Variants in HMG20A observed in about 807,000 individuals in gnomAD.
The protein encoded by HMG20A is high mobility group protein 20A.
A neutral mutation model predicts 43.9 loss-of-function variants in HMG20A; 17 were observed. The observed-to-expected ratio is 0.39, with a 90% CI of 0.27 to 0.58. HMG20A has a LOEUF of 0.58. HMG20A is among the 20% of genes least tolerant of loss of function. The pLI is 0.59. For missense variants in HMG20A, 341 were observed against 438.2 expected (o/e 0.78, Z 1.98); for synonymous variants, 132 against 147.5 (o/e 0.89, Z 0.76).
intron 1 of HMG20A, among the ~76,000 whole-genome samples, chr15:77,423,938 G>A (rs999558461): frequency 1.3e-5 from 2 of 152,180 alleles, no homozygotes; most frequent in South Asian, 2.1e-4. Flanking sequence ...TACCCTTTAC[G>A]TGACTTTTCA....
At chr15:77,467,418 G>A in intron 4 of HMG20A, 111 bp downstream of exon 4, 1 of 863,396 alleles carries the variant, frequency 1.2e-6, no homozygotes, top group Non-Finnish European at 1.8e-6. Flanking sequence ...TTGTCACAGT[G>A]CCTAGGAGAC....
intron 2 of HMG20A, among the ~76,000 whole-genome samples, chr15:77,459,488 A>G (rs1567400761): frequency 6.6e-6 from 1 of 152,230 alleles, no homozygotes; most frequent in Non-Finnish European, 1.5e-5. Flanking sequence ...AGTTTAAAAA[A>G]AGAAAAAAGT....
the HMG20A span, among the ~76,000 whole-genome samples, chr15:77,516,369 G>C: frequency 1.3e-5 from 2 of 152,174 alleles, no homozygotes; most frequent in South Asian, 4.1e-4. Context: ...CTGGCTACTC[G>C]GGAGACTGAG....
At chr15:77,480,164 C>T (rs926370674) in intron 9 of HMG20A, among the ~76,000 whole-genome samples, 6 of 151,866 alleles carry the variant, frequency 4.0e-5, no homozygotes, top group African/African-American at 1.2e-4. Flanking sequence ...TGGTGGTATG[C>T]GCTTGTGGTC....
chr15:77,470,274 C>T (rs1446001966), intron 4 of HMG20A, among the ~76,000 whole-genome samples: 1 of 152,088 alleles, frequency 6.6e-6, no homozygotes, highest in Non-Finnish European at 1.5e-5. Flanking sequence ...CAAAATAATC[C>T]TGGTAGATCA....
intron 9 of HMG20A, among the ~76,000 whole-genome samples, chr15:77,480,229 C>T (rs758691932): frequency 3.3e-5 from 5 of 151,972 alleles, no homozygotes; most frequent in Non-Finnish European, 7.4e-5. Flanking sequence ...AAGGTCAAGG[C>T]GAGGCTGCAG....
At chr15:77,499,760 G>T in the HMG20A span, among the ~76,000 whole-genome samples, 1 of 151,956 alleles carries the variant, frequency 6.6e-6, no homozygotes, top group Non-Finnish European at 1.5e-5. Flanking sequence ...CCCTCCACCA[G>T]TTCGTCCTGC....
At chr15:77,466,134 A>G (rs962781628) in intron 3 of HMG20A, among the ~76,000 whole-genome samples, 4 of 152,174 alleles carry the variant, frequency 2.6e-5, no homozygotes, top group Non-Finnish European at 5.9e-5. Context: ...TAATCCCAGC[A>G]CTTTGGGAGG....
rs370733312 is a variant in HMG20A at position 77,457,691 on chromosome 15, G to A, written c.-4-713G>A. On this transcript the variant is annotated intron_variant, in intron 1 of 9. Transcript: ENST00000336216. ...TAAGCTTAGTTGTTTCCTGTACCCA[G>A]GTGCATGCTATTTCTGCTCTTGGTT... 7.4e-4 allele frequency among the ~76,000 whole-genome samples: 112 copies of A among 152,240 alleles called. 3 individuals carry two copies. The South Asian group carries it at 0.023, about 31-fold the overall frequency.
intron 1 of HMG20A, among the ~76,000 whole-genome samples, chr15:77,441,919 G>A (rs16968835): frequency 0.26 from 40,213 of 152,066 alleles, 5,652 homozygotes; most frequent in Middle Eastern, 0.38. Flanking sequence ...TGATGAGCTT[G>A]AGAGTACCAA....
intron 1 of HMG20A, among the ~76,000 whole-genome samples, chr15:77,438,709 A>G (rs1425812106): frequency 6.6e-6 from 1 of 152,238 alleles, no homozygotes; most frequent in East Asian, 1.9e-4. Context: ...TCAGGCTACT[A>G]GCATTTCCCA....
At chr15:77,460,114 A>C (rs1567400964) in intron 2 of HMG20A, among the ~76,000 whole-genome samples, 1 of 152,182 alleles carries the variant, frequency 6.6e-6, no homozygotes, top group Admixed American at 6.5e-5. Context: ...GGAGGCTCTT[A>C]AAATAATTCA....
At chr15:77,431,410 C>T (rs376291932) in intron 1 of HMG20A, among the ~76,000 whole-genome samples, 2 of 152,116 alleles carry the variant, frequency 1.3e-5, no homozygotes, top group Non-Finnish European at 2.9e-5. Flanking sequence ...CAAGGTTTCA[C>T]CATGTTGGCC....
chr15:77,440,431 G>C (rs959401600), intron 1 of HMG20A, among the ~76,000 whole-genome samples: 1 of 152,136 alleles, frequency 6.6e-6, no homozygotes, highest in African/African-American at 2.4e-5. Flanking sequence ...AGTAGATAAT[G>C]ATGTTACTTA....
At chr15:77,453,815 C>T (rs1486711620) in intron 1 of HMG20A, among the ~76,000 whole-genome samples, 1 of 152,058 alleles carries the variant, frequency 6.6e-6, no homozygotes, top group Non-Finnish European at 1.5e-5. Flanking sequence ...AGTAGCCAGA[C>T]ACAAAAGGCC....
intron 1 of HMG20A, among the ~76,000 whole-genome samples, chr15:77,444,621 T>C (rs572998038): frequency 5.3e-5 from 8 of 152,302 alleles, no homozygotes; most frequent in African/African-American, 1.9e-4. Context: ...TGAGGCTCTG[T>C]GTATGGAAGT....
Position 77,420,993 on chromosome 15 carries a change from T to C in HMG20A, c.-16T>C. On this transcript the variant is annotated 5_prime_UTR_variant, in exon 1 of 10. Transcript: ENST00000336216. ...TTGGCCCTAGGCCCCTTCCTGCCCC[T>C]GTCGTCAGCAGGTCAGTAAGCAAGG... is the stretch of plus-strand genomic sequence containing the variant. The C allele has an allele frequency of 2.5e-6, 1 of 398,758 alleles. No homozygotes were observed. Among genetic ancestry groups the C allele is most frequent in the East Asian group, 3.6e-5 (1 of 28,082 alleles). The allele number at this position is 398,758 out of a possible 1,614,324, so 24.7% of individuals were successfully genotyped here.
At chr15:77,460,780 G>A (rs1386340701) in intron 2 of HMG20A, among the ~76,000 whole-genome samples, 3 of 152,168 alleles carry the variant, frequency 2.0e-5, no homozygotes, top group Admixed American at 1.3e-4. Context: ...GAGGTCAGGA[G>A]TTCAAGACCA....
the HMG20A span, among the ~76,000 whole-genome samples, chr15:77,503,846 T>C: frequency 1.3e-5 from 2 of 152,116 alleles, no homozygotes; most frequent in Non-Finnish European, 2.9e-5. Flanking sequence ...GCCTGTGATA[T>C]GTATGCTCCC....
Sources: allele counts gnomAD v4.1 joint callset (sites outside exome capture counted in the v4.1 genomes callset), GRCh38; gene constraint gnomAD v4.1.1; transcripts MANE v1.5; gene names NCBI Gene and HGNC (gene_info 2026-07-23, HGNC 2026-07-21).